Variants in LYST observed in about 807,000 individuals in gnomAD.
The protein encoded by LYST is lysosomal trafficking regulator, also known as lysosomal-trafficking regulator.
In LYST, 192 loss-of-function variants were observed where a neutral mutation model predicts 413.6. The ratio of observed to expected loss-of-function variants is 0.46; its 90% CI spans 0.41 to 0.52. LYST has a LOEUF of 0.52. Ranked by LOEUF, LYST falls within the 20% of genes least tolerant of loss-of-function variation. The probability of loss-of-function intolerance (pLI) is 0.00; values close to 1 mark genes in which losing one functional copy is unlikely to be tolerated. For missense variants in LYST, 3,815 were observed against 4,499.9 expected, an observed-to-expected ratio of 0.85 and a Z score of 4.35; for synonymous variants, 1,525 against 1,567.3, an observed-to-expected ratio of 0.97 and a Z score of 0.64.
intron 42 of LYST, chr1:235,712,632 T>C (rs1444201231): frequency 1.4e-5 from 14 of 985,092 alleles, no homozygotes; most frequent in Non-Finnish European, 1.2e-5. Flanking sequence ...GGAAGCATGA[T>C]TCCTTCACTT....
rs200877751 is a variant in LYST, at chr1:235,770,293, C to T, written c.5789G>A (p.Gly1930Asp). ...DWKIWSKAEQ[G>D]VWETLLAALE... Reference sequence around the variant, plus strand: ...AGCTGCTAGCAAAGTTTCCCAAACACCTTGCTGAAGAGATAAACACACACC... The same window carrying T: ...AGCTGCTAGCAAAGTTTCCCAAACATCTTGCTGAAGAGATAAACACACACC... The change falls in exon 20 of 53, where the codon GGT (glycine) becomes GAT (aspartate). Residue 1930 changes from glycine to aspartate, a missense_variant. This residue lies in a region of LYST where 530 missense variants were observed against 696.5 expected (regional missense o/e 0.76). Coordinates refer to ENST00000389793, the MANE Select transcript of LYST (RefSeq NM_000081.4). 7.2e-5 allele frequency: 116 copies of T among 1,613,584 alleles called. No homozygotes were observed. The highest frequency in any genetic ancestry group is 5.1e-6 in the Non-Finnish European group (6 of 1,179,754).
chr1:235,842,334 A>C (rs1032567745), intron 1 of LYST, among the ~76,000 whole-genome samples: 1 of 152,110 alleles, frequency 6.6e-6, no homozygotes, highest in South Asian at 2.1e-4. Flanking sequence ...AAGATGTTAG[A>C]ATTTTTAGAT....
At chr1:235,747,242 C>G (rs3754234) in intron 28 of LYST, 1 of 451,928 alleles carries the variant, frequency 2.2e-6, no homozygotes, top group Admixed American at 2.4e-5. Context: ...TTTAATGGAC[C>G]GAAGGAGAAG....
chr1:235,746,284 T>C (rs773596540), intron 29 of LYST, 52 bp downstream of exon 29: 211 of 1,527,364 alleles, frequency 1.4e-4, no homozygotes, highest in Admixed American at 2.2e-4. Flanking sequence ...CTTAGATTAC[T>C]TCTCTTTCAT....
rs541632203 is a variant in LYST at position 235,841,943 on chromosome 1, G to A, written c.-97-8276C>T. Among the ~76,000 whole-genome samples the A allele has an allele frequency of 2.0e-5, 3 of 152,310 alleles. No individual in the cohort carries two copies. In the South Asian group the frequency reaches 6.2e-4, roughly 32 times the overall value. On this transcript the variant is annotated intron_variant, in intron 1 of 52. Coordinates refer to ENST00000389793, the MANE Select transcript of LYST (RefSeq NM_000081.4). Reference sequence around the variant, plus strand: ...AAGAATAGTCAAATGGGGGAAAGTAGTGATGACAGACAAAATAATTTACTG... The same window carrying A: ...AAGAATAGTCAAATGGGGGAAAGTAATGATGACAGACAAAATAATTTACTG...
At chr1:235,761,234 A>G (rs908698850) in intron 22 of LYST, among the ~76,000 whole-genome samples, 11 of 152,222 alleles carry the variant, frequency 7.2e-5, no homozygotes, top group African/African-American at 2.7e-4. Context: ...TAATACCTAT[A>G]TATCTAGTTC....
intron 31 of LYST, chr1:235,737,963 TCTCG>T: frequency 7.4e-7 from 1 of 1,346,184 alleles, no homozygotes; most frequent in South Asian, 1.9e-5. Flanking sequence ...GGACGTGCAT[TCTCG>T]ATTCCTTTTG....
intron 47 of LYST, 62 bp downstream of exon 47, chr1:235,693,288 T>C (rs986366734): frequency 7.1e-6 from 9 of 1,274,734 alleles, no homozygotes; most frequent in South Asian, 4.9e-5. Context: ...GCGCTCCAGC[T>C]TGGGCGGCAG....
intron 1 of LYST, among the ~76,000 whole-genome samples, chr1:235,851,353 T>C (rs1243632837): frequency 6.7e-6 from 1 of 149,768 alleles, no homozygotes; most frequent in Non-Finnish European, 1.5e-5. Flanking sequence ...AGCTAAGCTA[T>C]GAGGATGCAA....
chr1:235,720,680 T>G lies in LYST; in HGVS notation c.9541A>C (p.Asn3181His). Residue 3181 changes from asparagine to histidine, a missense_variant, in exon 40 of 53, where the codon AAT becomes CAT. Asn to His is a moderately conservative substitution (Grantham distance 68). Transcript: ENST00000389793. ...ADYVSETLDL[N>H]DLLIYRNLSK... ...ACTTACCTGTATATCAACAGATCAT[T>G]GAGGTCAAGTGTCTCACTAACGTAG... The G allele has an allele frequency of 1.2e-6, 2 of 1,613,756 alleles. No individual in the cohort carries two copies. The highest frequency in any genetic ancestry group is 1.7e-6 in the Non-Finnish European group (2 of 1,179,654).
At chr1:235,738,371 G>A (rs1234577802) in intron 31 of LYST, 1 of 1,612,784 alleles carries the variant, frequency 6.2e-7, no homozygotes, top group African/African-American at 1.3e-5. Context: ...TCCTAATGTT[G>A]TAAAATACAG....
intron 41 of LYST, 86 bp downstream of exon 41, chr1:235,716,626 A>T (rs1479250168): frequency 2.4e-6 from 2 of 832,244 alleles, no homozygotes; most frequent in Non-Finnish European, 2.0e-6. Flanking sequence ...AATCCATAGT[A>T]TAAATTTAAA....
At chr1:235,703,304 G>A (rs772285599) in intron 44 of LYST, among the ~76,000 whole-genome samples, 2 of 152,078 alleles carry the variant, frequency 1.3e-5, no homozygotes, top group Non-Finnish European at 2.9e-5. Flanking sequence ...TATAGGAAAA[G>A]GCAAAAATGA....
At chr1:235,846,250 T>C (rs1677850341) in intron 1 of LYST, among the ~76,000 whole-genome samples, 1 of 152,066 alleles carries the variant, frequency 6.6e-6, no homozygotes, top group South Asian at 2.1e-4. Context: ...ACTCGCTGGG[T>C]GGCTAGACCC....
chr1:235,816,467 AAAT>A (rs1674115796), intron 3 of LYST, among the ~76,000 whole-genome samples: 1 of 116,036 alleles, frequency 8.6e-6, no homozygotes, highest in African/African-American at 4.2e-5. Flanking sequence ...TAAAAAATAA[AAAT>A]AAAAAAAAAA....
chr1:235,865,054 A>T (rs1026326179), intron 1 of LYST, among the ~76,000 whole-genome samples: 8 of 151,818 alleles, frequency 5.3e-5, no homozygotes, highest in African/African-American at 1.9e-4. Context: ...CACCACACTC[A>T]CCTCTTTGAC....
intron 1 of LYST, among the ~76,000 whole-genome samples, chr1:235,843,863 G>A (rs1029575721): frequency 5.0e-4 from 76 of 152,156 alleles, no homozygotes; most frequent in Admixed American, 5.0e-3. Flanking sequence ...AGACTTGTTA[G>A]TCTTTCACCA....
chr1:235,750,209 T>C (rs1228294615), intron 28 of LYST, among the ~76,000 whole-genome samples: 1 of 152,088 alleles, frequency 6.6e-6, no homozygotes, highest in Non-Finnish European at 1.5e-5. Flanking sequence ...GATGTACAAC[T>C]GGGAGGGCAG....
At chr1:235,720,441 A>G (rs1299149591) in intron 40 of LYST, among the ~76,000 whole-genome samples, 2 of 152,180 alleles carry the variant, frequency 1.3e-5, no homozygotes, top group Non-Finnish European at 2.9e-5. Flanking sequence ...GTGACATAAC[A>G]AGATGTCTGC....
Sources: gnomAD v4.1 joint callset for allele counts (sites outside exome capture counted in the v4.1 genomes callset) on GRCh38, gnomAD v4.1.1 for gene constraint, gnomAD v4.1.1 regional missense constraint, MANE v1.5 for transcripts, NCBI Gene and HGNC (gene_info 2026-07-23, HGNC 2026-07-21) for gene names.